The following NALF1 variants were observed in gnomAD, a reference collection of about 807,000 sequenced individuals.
NALF1 encodes the protein family with sequence similarity 155 member A.
Under a neutral mutation model 48.4 loss-of-function variants are expected in NALF1, and 3 were observed. That is an observed-to-expected ratio of 0.06 (90% CI 0.03 to 0.16). The LOEUF (loss-of-function observed/expected upper bound fraction) is 0.16, where lower values mean the gene tolerates loss of function less well. NALF1 is among the 10% of genes least tolerant of loss of function. NALF1 has a pLI of 1.00. For missense variants in NALF1, 526 were observed against 571.5 expected, an observed-to-expected ratio of 0.92 and a Z score of 0.81; for synonymous variants, 262 against 245.7, an observed-to-expected ratio of 1.07 and a Z score of -0.62.
At position 107,851,805 on chromosome 13, in the gene NALF1, C is replaced by CATTTTTTT. The variant is rs1555329721; in HGVS notation, c.915+13876_915+13877insAAAAAAAT. Among the ~76,000 whole-genome samples, 53 of 104,732 alleles carry CATTTTTTT rather than the reference C, an allele frequency of 5.1e-4. 4 individuals are homozygous for CATTTTTTT. Among genetic ancestry groups the CATTTTTTT allele is most frequent in the East Asian group, 1.1e-3 (4 of 3,490 alleles). 68.7% of individuals were successfully genotyped at this position (104,732 alleles called of 152,430 possible). A position where few individuals can be genotyped will look rare whatever the true frequency, so the allele number is the denominator to read the frequency against. On this transcript the variant is annotated intron_variant, in intron 1 of 2. Coordinates refer to ENST00000375915, the MANE Select transcript of NALF1 (RefSeq NM_001080396.3). ...GGATTAAGGGCTTTACAGGCCCTTT[C>CATTTTTTT]TTTTTTTTTTTTTTTTTTTTTGAGA... is the stretch of plus-strand genomic sequence containing the variant.
chr13:107,724,874 C>A (rs539857754), intron 1 of NALF1, among the ~76,000 whole-genome samples: 1 of 152,256 alleles, frequency 6.6e-6, no homozygotes, highest in African/African-American at 2.4e-5. Context: ...AACCACCGTG[C>A]CTGGCCCAAA....
chr13:107,475,043 T>C (rs1045453868), intron 1 of NALF1, among the ~76,000 whole-genome samples: 1 of 152,050 alleles, frequency 6.6e-6, no homozygotes, highest in Non-Finnish European at 1.5e-5. Flanking sequence ...CTAAACTTGC[T>C]ACCACCCAGG....
intron 1 of NALF1, among the ~76,000 whole-genome samples, chr13:107,757,134 A>G (rs1205308518): frequency 1.3e-5 from 2 of 152,220 alleles, no homozygotes; most frequent in Non-Finnish European, 2.9e-5. Context: ...CCTTTAAACA[A>G]GGAACAAGGC....
intron 1 of NALF1, among the ~76,000 whole-genome samples, chr13:107,654,084 A>G (rs1381808557): frequency 6.6e-6 from 1 of 152,120 alleles, no homozygotes; most frequent in Non-Finnish European, 1.5e-5. Context: ...TAAAAGATAA[A>G]TGACACAAAA....
At chr13:107,551,122 G>A (rs760072718) in intron 1 of NALF1, among the ~76,000 whole-genome samples, 9 of 151,886 alleles carry the variant, frequency 5.9e-5, no homozygotes, top group East Asian at 1.9e-4. Context: ...CTCTCTGGTC[G>A]TACTGCGTCT....
intron 1 of NALF1, among the ~76,000 whole-genome samples, chr13:107,830,346 T>G (rs1231953061): frequency 6.6e-6 from 1 of 152,210 alleles, no homozygotes; most frequent in Non-Finnish European, 1.5e-5. Flanking sequence ...TATGTTTAAT[T>G]TTTTAGGAAC....
chr13:107,563,459 C>G (rs189020620), intron 1 of NALF1, among the ~76,000 whole-genome samples: 3 of 152,192 alleles, frequency 2.0e-5, no homozygotes, highest in African/African-American at 7.2e-5. Flanking sequence ...TGCATTTTAA[C>G]GTGTTTTTCA....
At chr13:107,292,752 T>G (rs989832217) in intron 1 of NALF1, among the ~76,000 whole-genome samples, 3 of 152,168 alleles carry the variant, frequency 2.0e-5, no homozygotes, top group African/African-American at 7.2e-5. Flanking sequence ...AAAAGTATAT[T>G]CTAAAATGAT....
chr13:107,542,580 C>T (rs1334211640), intron 1 of NALF1, among the ~76,000 whole-genome samples: 2 of 152,062 alleles, frequency 1.3e-5, no homozygotes, highest in Non-Finnish European at 2.9e-5. Flanking sequence ...AAGAACCAGA[C>T]ATCAATATCA....
At chr13:107,311,535 A>G (rs1470340988) in intron 1 of NALF1, among the ~76,000 whole-genome samples, 1 of 151,034 alleles carries the variant, frequency 6.6e-6, no homozygotes, top group African/African-American at 2.4e-5. Flanking sequence ...ACTGTATTTA[A>G]TCATTTATTA....
intron 1 of NALF1, among the ~76,000 whole-genome samples, chr13:107,532,210 C>G (rs1057197531): frequency 6.6e-6 from 1 of 152,082 alleles, no homozygotes; most frequent in African/African-American, 2.4e-5. Context: ...AAAGCTACAG[C>G]CTTTCAAGGT....
intron 1 of NALF1, among the ~76,000 whole-genome samples, chr13:107,644,638 C>CATATATATATATATATATATATAT (rs1170442694): frequency 1.2e-4 from 5 of 43,328 alleles, no homozygotes; most frequent in Admixed American, 3.6e-4. Context: ...TACATACATA[C>CATATATATATATATATATATATAT]ATACATACAT....
intron 1 of NALF1, among the ~76,000 whole-genome samples, chr13:107,349,194 G>A (rs910323138): frequency 1.1e-4 from 17 of 152,088 alleles, no homozygotes; most frequent in African/African-American, 3.9e-4. Context: ...CAGATATTTC[G>A]AAAGAGAAAA....
chr13:107,838,188 C>A (rs949000159), intron 1 of NALF1, among the ~76,000 whole-genome samples: 8 of 151,914 alleles, frequency 5.3e-5, no homozygotes, highest in Admixed American at 3.3e-4. Flanking sequence ...CTGAATGTAG[C>A]CAGAAACAAA....
chr13:107,619,473 C>T (rs1879467761), intron 1 of NALF1, among the ~76,000 whole-genome samples: 2 of 152,112 alleles, frequency 1.3e-5, no homozygotes, highest in African/African-American at 2.4e-5. Context: ...CCCTGGTAAT[C>T]GGTGGGCATT....
At chr13:107,637,752 G>C (rs1017559152) in intron 1 of NALF1, among the ~76,000 whole-genome samples, 5 of 152,078 alleles carry the variant, frequency 3.3e-5, no homozygotes, top group African/African-American at 1.2e-4. Flanking sequence ...ATCCAATAAA[G>C]AGTCGCATGT....
At chr13:107,256,054 T>G (rs1880807315) in intron 1 of NALF1, among the ~76,000 whole-genome samples, 1 of 152,234 alleles carries the variant, frequency 6.6e-6, no homozygotes, top group African/African-American at 2.4e-5. Flanking sequence ...CAGAGCCTAC[T>G]CATCCCGGCT....
intron 1 of NALF1, among the ~76,000 whole-genome samples, chr13:107,683,240 C>A (rs1274387537): frequency 6.6e-6 from 1 of 152,104 alleles, no homozygotes; most frequent in East Asian, 1.9e-4. Flanking sequence ...AGAGTAAGAG[C>A]CTGTCTCAAA....
At chr13:107,489,288 T>C (rs561709174) in intron 1 of NALF1, among the ~76,000 whole-genome samples, 2 of 152,242 alleles carry the variant, frequency 1.3e-5, no homozygotes, top group East Asian at 3.9e-4. Context: ...TGTTTTAAAA[T>C]TTATATGAAA....
Sources: allele counts gnomAD v4.1 joint callset (sites outside exome capture counted in the v4.1 genomes callset), GRCh38; gene constraint gnomAD v4.1.1; transcripts MANE v1.5; gene names NCBI Gene and HGNC (gene_info 2026-07-23, HGNC 2026-07-21).